PROM1: variants seen among roughly 807,000 people sequenced by gnomAD.
PROM1 encodes prominin-1.
Under a neutral mutation model 116.9 loss-of-function variants are expected in PROM1, and 105 were observed. The observed-to-expected ratio is 0.90, with a 90% CI of 0.77 to 1.06. The LOEUF is 1.06. Among genes scored for constraint, PROM1 ranks in the 50% least tolerant of loss-of-function variants. The pLI is 0.00. For missense variants in PROM1, 1,122 were observed against 1,045.2 expected (o/e 1.07, Z -1.01); for synonymous variants, 393 against 387.0 (o/e 1.02, Z -0.18).
chr4:16,061,833 T>A (rs1175358442), intron 2 of PROM1, among the ~76,000 whole-genome samples: 1 of 152,042 alleles, frequency 6.6e-6, no homozygotes, highest in East Asian at 1.9e-4. Context: ...CCTTGAGTTG[T>A]AGCAGTGTGA....
At chr4:16,004,963 CTTTT>C (rs144360637) in intron 13 of PROM1, among the ~76,000 whole-genome samples, 1 of 83,156 alleles carries the variant, frequency 1.2e-5, no homozygotes, top group Non-Finnish European at 2.3e-5. Context: ...CTCGCTCTCT[CTTTT>C]TTTTTTTTTT....
At chr4:15,991,595 CT>C (rs745602988) in intron 17 of PROM1, among the ~76,000 whole-genome samples, 3,984 of 141,086 alleles carry the variant, frequency 0.028, 134 homozygotes, top group African/African-American at 0.084. Flanking sequence ...GTTACGTAAT[CT>C]TTTTTTTTTT....
At position 15,998,392 on chromosome 4, in the gene PROM1, C is replaced by T. The variant is rs919972434; in HGVS notation, c.1675G>A (p.Val559Ile). ...TAATGCAAATATTGATACCTGTAAA[C>T]TTGTTCAAAAGTGAGCTTCATTTTT... ...KSKMKLTFEQVYSDCKKNRGT... is the reference protein window; with the variant it reads ...KSKMKLTFEQIYSDCKKNRGT... The change falls in exon 15 of 28, where the codon GTT becomes ATT. Residue 559 changes from valine to isoleucine, a missense_variant. By Grantham distance (29) the Val-to-Ile change is conservative. Coordinates refer to ENST00000447510, the MANE Select transcript of PROM1 (RefSeq NM_006017.3). The T allele has an allele frequency of 1.1e-5, 17 of 1,597,142 alleles. No individual in the cohort carries two copies. The highest frequency in any genetic ancestry group is 1.8e-5 in the Admixed American group (1 of 55,968).
chr4:16,006,327 G>GTTGT (rs1278482831), intron 13 of PROM1, among the ~76,000 whole-genome samples: 1 of 152,080 alleles, frequency 6.6e-6, no homozygotes. Context: ...TGTTGTTGTT[G>GTTGT]TTGTTTGTTT....
At chr4:16,013,217 A>C in intron 11 of PROM1, 58 bp downstream of exon 11, 1 of 1,361,458 alleles carries the variant, frequency 7.3e-7, no homozygotes, top group South Asian at 1.2e-5. Context: ...ATACTTGGCA[A>C]CACATTTCTC....
chr4:16,011,197 C>T lies in PROM1; in HGVS notation c.1141+2078G>A, dbSNP rs546522486. 5.3e-5 allele frequency among the ~76,000 whole-genome samples: 8 copies of T among 152,264 alleles called. No homozygotes were observed. In the East Asian group the frequency reaches 7.7e-4, roughly 15 times the overall value. ...GCATATACCCTCTTCAAACCTCTCT[C>T]GATGTCCCCTTTTCCAGGCAGCCTC... On this transcript the variant is annotated intron_variant, in intron 11 of 27. Coordinates refer to ENST00000447510, the MANE Select transcript of PROM1 (RefSeq NM_006017.3).
rs773231307 is a variant in PROM1 at position 15,991,261 on chromosome 4, T to C, written c.1944A>G (p.Leu648=). The change falls in exon 18 of 28, where the codon TTA becomes TTG. Residue 648 remains leucine (L), a synonymous_variant. Coordinates refer to ENST00000447510, the MANE Select transcript of PROM1 (RefSeq NM_006017.3). ...TTGCTTCTAGATCATATGCAAATGA[T>C]AAAAGATTCACTCCTGCGGGGGATT... ...TGKSPAGVNL[L]SFAYDLEAKA... 2.5e-6 allele frequency: 4 copies of C among 1,607,548 alleles called. No individual in the cohort carries two copies. The highest frequency in any genetic ancestry group is 1.3e-5 in the African/African-American group (1 of 74,706).
At position 16,006,612 on chromosome 4, in the gene PROM1, C is replaced by T. The variant is rs1040048127; in HGVS notation, c.1380G>A (p.Val460=). Residue 460 remains valine (V), a synonymous_variant, in exon 13 of 28, where the codon GTG becomes GTA. Transcript: ENST00000447510. The stretch of plus-strand genomic sequence containing the variant: ...GGGTGGCATGCCTGTCATAGCCGCA[C>T]ACGCCACACAGTAAGCCCAGGTAGT... ...IFYYLGLLCG[V]CGYDRHATPT... 1 of 1,610,842 alleles carries T rather than the reference C, an allele frequency of 6.2e-7. No homozygotes were observed. Among genetic ancestry groups the T allele is most frequent in the Non-Finnish European group, 8.5e-7 (1 of 1,178,740 alleles).
intron 17 of PROM1, among the ~76,000 whole-genome samples, chr4:15,991,561 G>C (rs1720991970): frequency 6.6e-6 from 1 of 150,544 alleles, no homozygotes; most frequent in Non-Finnish European, 1.5e-5. Flanking sequence ...CTCAGTGAAA[G>C]AAGCCAGACA....
At chr4:16,038,638 T>A (rs911108413) in intron 3 of PROM1, among the ~76,000 whole-genome samples, 4 of 152,012 alleles carry the variant, frequency 2.6e-5, no homozygotes, top group African/African-American at 9.7e-5. Flanking sequence ...CCTGACCTGG[T>A]GATCTGCCCG....
chr4:16,057,645 C>T (rs922772359), intron 2 of PROM1, among the ~76,000 whole-genome samples: 1 of 152,210 alleles, frequency 6.6e-6, no homozygotes, highest in African/African-American at 2.4e-5. Context: ...ATGGGGAAAA[C>T]AGATCTTCTC....
At chr4:16,013,237 C>T in intron 11 of PROM1, 38 bp downstream of exon 11, 2 of 1,531,022 alleles carry the variant, frequency 1.3e-6, no homozygotes, top group Middle Eastern at 1.7e-4. Flanking sequence ...CTGTACTGAC[C>T]TACCAATCAC....
intron 13 of PROM1, 94 bp downstream of exon 13, chr4:16,006,444 C>T: frequency 7.1e-7 from 1 of 1,408,758 alleles, no homozygotes; most frequent in South Asian, 1.5e-5. Context: ...CGTACGTGGC[C>T]CAGAGGGCGC....
At chr4:16,014,450 G>A (rs911682574) in intron 10 of PROM1, among the ~76,000 whole-genome samples, 1 of 152,178 alleles carries the variant, frequency 6.6e-6, no homozygotes, top group Non-Finnish European at 1.5e-5. Context: ...AACAAATGAA[G>A]TAACACCAGA....
At chr4:16,056,423 G>A (rs1262242673) in intron 2 of PROM1, among the ~76,000 whole-genome samples, 1 of 152,040 alleles carries the variant, frequency 6.6e-6, no homozygotes. Context: ...GCTGCGTTGT[G>A]GGCACCACTC....
chr4:15,974,297 T>C (rs190481122), intron 26 of PROM1, among the ~76,000 whole-genome samples: 41 of 152,092 alleles, frequency 2.7e-4, no homozygotes, highest in African/African-American at 9.9e-4. Context: ...AGAAGCATCG[T>C]TGGAAAAAAA....
intron 3 of PROM1, among the ~76,000 whole-genome samples, chr4:16,036,896 A>G (rs1285390345): frequency 6.6e-6 from 1 of 152,174 alleles, no homozygotes; most frequent in Non-Finnish European, 1.5e-5. Context: ...CTAGAGTAGG[A>G]ATCAGCTCAT....
chr4:15,970,455 G>A (rs62288711), intron 27 of PROM1, among the ~76,000 whole-genome samples: 43,706 of 151,676 alleles, frequency 0.29, 6,708 homozygotes, highest in Non-Finnish European at 0.35. Flanking sequence ...TTACAGGCGT[G>A]AGCCACCGCA....
intron 1 of PROM1, chr4:16,080,517 C>CA (rs960879179): frequency 3.7e-4 from 54 of 145,592 alleles, no homozygotes; most frequent in East Asian, 5.9e-4. Flanking sequence ...GACTCCATCT[C>CA]AAAAAAAAAA....
Sources: allele counts gnomAD v4.1 joint callset (sites outside exome capture counted in the v4.1 genomes callset), GRCh38; gene constraint gnomAD v4.1.1; transcripts MANE v1.5; gene names NCBI Gene and HGNC (gene_info 2026-07-23, HGNC 2026-07-21).